The following DNM3 variants were observed in gnomAD, a reference collection of about 807,000 sequenced individuals.
The protein encoded by DNM3 is dynamin-3.
DNM3 carries 47 observed loss-of-function variants against 101.6 expected under a neutral mutation model. The observed-to-expected ratio is 0.46, with a 90% CI of 0.37 to 0.59. The LOEUF is 0.59. Ranked by LOEUF, DNM3 falls within the 20% of genes least tolerant of loss-of-function variation. DNM3 has a pLI of 0.00. For missense variants in DNM3, 849 were observed against 1,085.7 expected, an observed-to-expected ratio of 0.78 and a Z score of 3.06; for synonymous variants, 385 against 387.9, an observed-to-expected ratio of 0.99 and a Z score of 0.09.
At chr1:171,931,644 C>T (rs947996868) in intron 2 of DNM3, among the ~76,000 whole-genome samples, 2 of 152,070 alleles carry the variant, frequency 1.3e-5, no homozygotes, top group East Asian at 1.9e-4. Context: ...ACAATTTTTT[C>T]CCCAATTCCC....
chr1:172,164,135 C>A (rs936640679), intron 14 of DNM3, among the ~76,000 whole-genome samples: 7 of 151,694 alleles, frequency 4.6e-5, no homozygotes, highest in African/African-American at 1.7e-4. Context: ...CAGTTGAAAA[C>A]AACAGTAGCT....
At chr1:172,102,776 C>T (rs1399183046) in intron 13 of DNM3, among the ~76,000 whole-genome samples, 1 of 152,058 alleles carries the variant, frequency 6.6e-6, no homozygotes, top group East Asian at 1.9e-4. Context: ...CCCTCTTTTC[C>T]TCCCTCTGTC....
chr1:172,412,291 T>C lies in DNM3; in HGVS notation c.*4450T>C. 1.0e-6 allele frequency: 1 copy of C among 985,328 alleles called. No individual in the cohort carries two copies. The highest frequency in any genetic ancestry group is 1.2e-6 in the Non-Finnish European group (1 of 829,790). 61.0% of individuals were successfully genotyped at this position (985,328 alleles called of 1,614,324 possible). ...GTTTTAAAATTATGACAAAAATTAC[T>C]CTGTCTAACCACTTGCCTTGTCTGC... On this transcript the variant is annotated 3_prime_UTR_variant, in exon 21 of 21. Transcript: ENST00000627582.
intron 13 of DNM3, among the ~76,000 whole-genome samples, chr1:172,118,305 CT>C (rs1341703242): frequency 6.6e-6 from 1 of 152,092 alleles, no homozygotes; most frequent in African/African-American, 2.4e-5. Context: ...TATTGGTACT[CT>C]TTTTCAGAGG....
At chr1:172,001,044 T>C (rs1041916600) in intron 4 of DNM3, among the ~76,000 whole-genome samples, 2 of 151,920 alleles carry the variant, frequency 1.3e-5, no homozygotes, top group African/African-American at 2.4e-5. Context: ...GAAATGTCCT[T>C]GATTTAGGAG....
chr1:172,049,644 G>T (rs2057303), intron 10 of DNM3, among the ~76,000 whole-genome samples: 51,102 of 151,912 alleles, frequency 0.34, 9,337 homozygotes, highest in East Asian at 0.69. Context: ...AGTAGGGTAG[G>T]TCTAGCCCCC....
At chr1:171,959,883 GA>G (rs956570750) in intron 2 of DNM3, among the ~76,000 whole-genome samples, 7 of 152,248 alleles carry the variant, frequency 4.6e-5, no homozygotes, top group Non-Finnish European at 8.8e-5. Context: ...GAAGCCAACT[GA>G]AGTGGGGAGA....
chr1:172,223,323 A>G (rs1374155145), intron 14 of DNM3, among the ~76,000 whole-genome samples: 1 of 147,870 alleles, frequency 6.8e-6, no homozygotes, highest in Non-Finnish European at 1.5e-5. Flanking sequence ...TATCTCATTT[A>G]ATGGTACCAC....
chr1:172,322,792 C>A (rs1048191018), intron 16 of DNM3, among the ~76,000 whole-genome samples: 1 of 152,064 alleles, frequency 6.6e-6, no homozygotes, highest in Non-Finnish European at 1.5e-5. Flanking sequence ...CCTAGAACCA[C>A]CCACTCCTTT....
chr1:172,068,264 G>T (rs945756456), intron 10 of DNM3, among the ~76,000 whole-genome samples: 1 of 150,146 alleles, frequency 6.7e-6, no homozygotes, highest in Non-Finnish European at 1.5e-5. Context: ...GGAGGCAGAG[G>T]TTGCAGTGAG....
intron 16 of DNM3, among the ~76,000 whole-genome samples, chr1:172,320,239 G>C (rs1227848832): frequency 6.7e-6 from 1 of 150,066 alleles, no homozygotes; most frequent in Non-Finnish European, 1.5e-5. Context: ...TTGTGGGGTG[G>C]GGGGATGGGG....
intron 1 of DNM3, among the ~76,000 whole-genome samples, chr1:171,900,641 G>A (rs1196931054): frequency 1.3e-5 from 2 of 152,110 alleles, no homozygotes; most frequent in African/African-American, 4.8e-5. Flanking sequence ...CGTGATTTAA[G>A]AATTTTCCTT....
intron 15 of DNM3, among the ~76,000 whole-genome samples, chr1:172,283,395 C>T (rs2063562543): frequency 6.6e-6 from 1 of 151,874 alleles, no homozygotes; most frequent in Admixed American, 6.6e-5. Context: ...TATATTCTTT[C>T]TTGTGGCTAA....
At chr1:171,883,757 A>G (rs1040546115) in intron 1 of DNM3, among the ~76,000 whole-genome samples, 1 of 152,180 alleles carries the variant, frequency 6.6e-6, no homozygotes, top group Non-Finnish European at 1.5e-5. Context: ...GGCATGAGCC[A>G]CCGCACCCAG....
chr1:171,976,271 A>T (rs184871415), intron 2 of DNM3, among the ~76,000 whole-genome samples: 2 of 152,370 alleles, frequency 1.3e-5, no homozygotes, highest in Admixed American at 1.3e-4. Flanking sequence ...ATTTGTCATG[A>T]TGACTGTTCT....
chr1:172,295,421 A>T (rs1187060239), intron 15 of DNM3, among the ~76,000 whole-genome samples: 1 of 152,230 alleles, frequency 6.6e-6, no homozygotes, highest in Non-Finnish European at 1.5e-5. Context: ...AAATTCAGAA[A>T]TAATATGTCA....
intron 15 of DNM3, among the ~76,000 whole-genome samples, chr1:172,272,708 GT>G (rs2063133484): frequency 6.6e-6 from 1 of 152,080 alleles, no homozygotes; most frequent in Admixed American, 6.6e-5. Flanking sequence ...GCAGATTAGA[GT>G]TCTAAACTCA....
intron 17 of DNM3, among the ~76,000 whole-genome samples, chr1:172,368,111 A>G (rs1225085870): frequency 1.3e-5 from 2 of 151,906 alleles, no homozygotes; most frequent in Non-Finnish European, 1.5e-5. Flanking sequence ...AAACTGTACT[A>G]TAAATCAAAT....
chr1:172,255,941 A>G (rs1261632345), intron 15 of DNM3, among the ~76,000 whole-genome samples: 1 of 152,130 alleles, frequency 6.6e-6, no homozygotes, highest in African/African-American at 2.4e-5. Flanking sequence ...CATGCTTAGG[A>G]GTTGAATTTT....
Sources: gnomAD v4.1 joint callset for allele counts (sites outside exome capture counted in the v4.1 genomes callset) on GRCh38, gnomAD v4.1.1 for gene constraint, MANE v1.5 for transcripts, NCBI Gene and HGNC (gene_info 2026-07-23, HGNC 2026-07-21) for gene names.